Variants in LRBA observed in about 807,000 individuals in gnomAD.
The protein encoded by LRBA is LPS responsive beige-like anchor protein, also known as lipopolysaccharide-responsive and beige-like anchor protein.
Under a neutral mutation model 330.0 loss-of-function variants are expected in LRBA, and 176 were observed. That is an observed-to-expected ratio of 0.53 (90% CI 0.47 to 0.60). The LOEUF (loss-of-function observed/expected upper bound fraction) is 0.60, where lower values mean the gene tolerates loss of function less well. Among genes scored for constraint, LRBA ranks in the 20% least tolerant of loss-of-function variants. The pLI is 0.00. For synonymous variants in LRBA, 1,230 were observed against 1,193.0 expected, an observed-to-expected ratio of 1.03 and a Z score of -0.64; for missense variants, 3,259 against 3,444.8, an observed-to-expected ratio of 0.95 and a Z score of 1.35.
rs148436991 is a variant in LRBA at position 150,454,764 on chromosome 4, C to T, written c.6780+12909G>A. Reference sequence around the variant, plus strand: ...TTCTCCCTTCTAAGTCTCCAATGTCCGTTATGCCACTCTGTATGCCTTTGC... The same window carrying T: ...TTCTCCCTTCTAAGTCTCCAATGTCTGTTATGCCACTCTGTATGCCTTTGC... On this transcript the variant is annotated intron_variant, in intron 44 of 56. Transcript: ENST00000651943. 4.8e-3 allele frequency among the ~76,000 whole-genome samples: 733 copies of T among 152,012 alleles called. 4 individuals carry two copies. The highest frequency in any genetic ancestry group is 0.016 in the African/African-American group (670 of 41,460).
intron 40 of LRBA, among the ~76,000 whole-genome samples, chr4:150,551,469 A>G (rs1766581277): frequency 6.6e-6 from 1 of 152,114 alleles, no homozygotes; most frequent in Non-Finnish European, 1.5e-5. Flanking sequence ...ACTTGAGCCC[A>G]AGAGTCTGAG....
intron 47 of LRBA, among the ~76,000 whole-genome samples, chr4:150,408,011 A>C (rs1469346606): frequency 6.6e-6 from 1 of 152,052 alleles, no homozygotes; most frequent in Non-Finnish European, 1.5e-5. Flanking sequence ...AGTAAACTAA[A>C]CCCAAAGCAA....
intron 40 of LRBA, among the ~76,000 whole-genome samples, chr4:150,508,453 T>C (rs1761429978): frequency 6.6e-6 from 1 of 152,060 alleles, no homozygotes; most frequent in East Asian, 1.9e-4. Flanking sequence ...CATGCCTGGC[T>C]AATTTTTGTA....
At chr4:150,266,010 A>T (rs916685327) in intron 56 of LRBA, among the ~76,000 whole-genome samples, 198 bp from the exon 57 acceptor site, 1 of 152,248 alleles carries the variant, frequency 6.6e-6, no homozygotes, top group African/African-American at 2.4e-5. Flanking sequence ...ACACTCCACA[A>T]GGATCCAAGC....
Position 150,851,921 on chromosome 4 carries a change from G to T in LRBA, c.3789C>A (p.Asn1263Lys), listed in dbSNP as rs150689413. 33 of 1,613,706 alleles carry T rather than the reference G, an allele frequency of 2.0e-5. No individual in the cohort carries two copies. The highest frequency in any genetic ancestry group is 5.0e-5 in the Admixed American group (3 of 59,978). Residue 1263 changes from asparagine (N) to lysine (K), a missense_variant, in exon 23 of 57, where the codon AAC (asparagine) becomes AAA (lysine). Transcript: ENST00000651943. ...TERLELKASP[N>K]VEAPQPHRHV... ...GTCGATGAGGTTGAGGTGCTTCCAC[G>T]TTGGGACTGGCCTTCAACTCCAGCC...
At chr4:150,985,029 G>A (rs773228811) in intron 2 of LRBA, among the ~76,000 whole-genome samples, 7 of 152,126 alleles carry the variant, frequency 4.6e-5, no homozygotes, top group Non-Finnish European at 7.4e-5. Flanking sequence ...AGGCCAAGGC[G>A]GGTGGATCAC....
chr4:150,687,304 T>C (rs1783710021), intron 36 of LRBA, among the ~76,000 whole-genome samples: 2 of 152,130 alleles, frequency 1.3e-5, no homozygotes. Context: ...ATTTGTAGTA[T>C]ACATATTTGT....
chr4:150,417,324 T>C (rs539636563), intron 46 of LRBA, among the ~76,000 whole-genome samples: 1 of 152,254 alleles, frequency 6.6e-6, no homozygotes, highest in African/African-American at 2.4e-5. Context: ...TAGTATTAAT[T>C]TGCCCAAGTG....
In LRBA at chr4:150,530,758, A is replaced by T. The variant is rs542685031; in HGVS notation, c.6331-39723T>A. 3.3e-5 allele frequency among the ~76,000 whole-genome samples: 5 copies of T among 152,322 alleles called. No individual in the cohort carries two copies. In the South Asian group the frequency reaches 1.0e-3, roughly 32 times the overall value. ...CCTGGGGAAACCTGACACAATTACT[A>T]AACAAGATTCCTTTCTTGTTCTTTT... On this transcript the variant is annotated intron_variant, in intron 40 of 56. Coordinates refer to ENST00000651943, the MANE Select transcript of LRBA (RefSeq NM_001364905.1).
At chr4:150,379,295 C>G (rs908503957) in intron 47 of LRBA, among the ~76,000 whole-genome samples, 3 of 95,068 alleles carry the variant, frequency 3.2e-5, no homozygotes, top group African/African-American at 1.2e-4. Flanking sequence ...AAGAGGGAAA[C>G]TCTAGCTCAA....
intron 52 of LRBA, among the ~76,000 whole-genome samples, chr4:150,303,282 A>G (rs1291422318): frequency 1.3e-5 from 2 of 152,254 alleles, no homozygotes; most frequent in East Asian, 3.8e-4. Context: ...TAAGTGATCT[A>G]TACAAAGACA....
chr4:150,607,746 AC>A (rs967574938), intron 37 of LRBA, among the ~76,000 whole-genome samples: 1 of 152,042 alleles, frequency 6.6e-6, no homozygotes, highest in Non-Finnish European at 1.5e-5. Context: ...TACAAAAGAT[AC>A]AAAAATTAGG....
At chr4:150,662,128 A>T (rs1781173850) in intron 37 of LRBA, among the ~76,000 whole-genome samples, 1 of 152,260 alleles carries the variant, frequency 6.6e-6, no homozygotes, top group Non-Finnish European at 1.5e-5. Context: ...TTAAGTGGAA[A>T]GTAAAATCTC....
At chr4:150,489,699 A>G (rs1758651753) in intron 41 of LRBA, among the ~76,000 whole-genome samples, 1 of 130,080 alleles carries the variant, frequency 7.7e-6, no homozygotes, top group Non-Finnish European at 1.6e-5. Context: ...TATATTATAT[A>G]TTATATATTA....
At chr4:150,500,006 AATTAC>A (rs934522028) in intron 40 of LRBA, among the ~76,000 whole-genome samples, 4 of 152,134 alleles carry the variant, frequency 2.6e-5, no homozygotes, top group African/African-American at 9.7e-5. Context: ...AAAGATACAA[AATTAC>A]AGTTAGACAG....
At chr4:150,399,827 C>A (rs1026844835) in intron 47 of LRBA, among the ~76,000 whole-genome samples, 2 of 152,080 alleles carry the variant, frequency 1.3e-5, no homozygotes, top group Non-Finnish European at 2.9e-5. Flanking sequence ...CAAAAATTAG[C>A]AGCTGAGTGT....
chr4:150,984,155 T>A (rs1211755034), intron 2 of LRBA, among the ~76,000 whole-genome samples: 2 of 152,166 alleles, frequency 1.3e-5, no homozygotes, highest in Admixed American at 6.5e-5. Context: ...GCTAATTTCA[T>A]TCAACCTGTT....
chr4:150,808,242 GAAGT>G (rs1743090414), intron 32 of LRBA, 74 bp downstream of exon 32: 1 of 863,044 alleles, frequency 1.2e-6, no homozygotes, highest in African/African-American at 1.7e-5. Flanking sequence ...GAAATGAAAC[GAAGT>G]AAAATAAACC....
intron 47 of LRBA, among the ~76,000 whole-genome samples, chr4:150,377,140 GAAAA>G (rs532735624): frequency 1.6e-4 from 19 of 120,812 alleles, no homozygotes; most frequent in Non-Finnish European, 1.7e-5. Context: ...AAAAATAATG[GAAAA>G]AAAAAAAAAA....
Sources: gnomAD v4.1 joint callset for allele counts (sites outside exome capture counted in the v4.1 genomes callset) on GRCh38, gnomAD v4.1.1 for gene constraint, MANE v1.5 for transcripts, NCBI Gene and HGNC (gene_info 2026-07-23, HGNC 2026-07-21) for gene names.